The following SH2B2 variants were observed in gnomAD, a reference collection of about 807,000 sequenced individuals.
SH2B2 encodes SH2B adaptor protein 2, also known as SH2B adapter protein 2.
Under a neutral mutation model 35.7 loss-of-function variants are expected in SH2B2, and 37 were observed. The ratio of observed to expected loss-of-function variants is 1.04; its 90% CI spans 0.80 to 1.36. The LOEUF is 1.36. Ranked by LOEUF, SH2B2 falls within the 40% of genes most tolerant of loss-of-function variation. The probability of loss-of-function intolerance (pLI) is 0.00; values close to 1 mark genes in which losing one functional copy is unlikely to be tolerated. For missense variants in SH2B2, 852 were observed against 817.7 expected (o/e 1.04, Z -0.51); for synonymous variants, 383 against 376.4 (o/e 1.02, Z -0.20).
chr7:102,307,045 C>G (rs903713761), intron 3 of SH2B2, among the ~76,000 whole-genome samples: 1 of 152,254 alleles, frequency 6.6e-6, no homozygotes, highest in Admixed American at 6.5e-5. Context: ...CGTCGCCCAA[C>G]ATCTGGGCCC....
At chr7:102,315,744 G>GAAAAAAAAAAAAAAAAAA (rs61456197) in intron 6 of SH2B2, among the ~76,000 whole-genome samples, 1 of 90,568 alleles carries the variant, frequency 1.1e-5, no homozygotes, top group Non-Finnish European at 1.9e-5. Context: ...CCTGTGAAAA[G>GAAAAAAAAAAAAAAAAAA]AAAAAAAAAA....
chr7:102,298,801 C>T (rs1343790635), intron 1 of SH2B2, among the ~76,000 whole-genome samples: 1 of 151,948 alleles, frequency 6.6e-6, no homozygotes, highest in Non-Finnish European at 1.5e-5. Context: ...CTCCTGAGCT[C>T]AAGCAATCTG....
upstream of SH2B2, among the ~76,000 whole-genome samples, chr7:102,285,506 G>A (rs1447412042): frequency 2.6e-5 from 4 of 152,334 alleles, no homozygotes; most frequent in East Asian, 1.9e-4. Context: ...GAACAGAGCC[G>A]AGATGTGGGG....
At chr7:102,299,836 A>T (rs1793075637) in intron 1 of SH2B2, among the ~76,000 whole-genome samples, 1 of 152,172 alleles carries the variant, frequency 6.6e-6, no homozygotes, top group Non-Finnish European at 1.5e-5. Flanking sequence ...CCCAGGAATG[A>T]CCCTGAGGTC....
Position 102,321,549 on chromosome 7 carries a change from G to GGCCGCC in SH2B2, c.1819_1824dup (p.Ala607_Ala608dup). 2 of 1,147,236 alleles carry GGCCGCC rather than the reference G, an allele frequency of 1.7e-6. No homozygotes were observed. The highest frequency in any genetic ancestry group is 2.1e-6 in the Non-Finnish European group (2 of 935,052). 71.1% of individuals were successfully genotyped at this position (1,147,236 alleles called of 1,614,324 possible). On this transcript the variant is annotated inframe_insertion, in exon 9 of 9. Coordinates refer to ENST00000444095, the MANE Select transcript of SH2B2 (RefSeq NM_001359228.2). The stretch of plus-strand genomic sequence containing the variant: ...GCGCCGAGCGCCTGCTGGAGGCCGT[G>GGCCGCC]GCCGCCACCGCCGCCGAGGAGCCCC...
At chr7:102,321,255 C>A (rs782702867) in intron 8 of SH2B2, 44 bp from the exon 9 acceptor site, 7 of 1,318,374 alleles carry the variant, frequency 5.3e-6, no homozygotes, top group Non-Finnish European at 4.8e-6. Flanking sequence ...CAGGATGTGG[C>A]CAGCCCAGGT....
chr7:102,308,991 G>A, intron 4 of SH2B2, 85 bp downstream of exon 4: 1 of 1,053,396 alleles, frequency 9.5e-7, no homozygotes, highest in East Asian at 2.4e-5. Flanking sequence ...TTCCTAGCAG[G>A]GCGGGAGCTC....
At chr7:102,319,119 G>A (rs1793962777) in intron 7 of SH2B2, among the ~76,000 whole-genome samples, 1 of 152,160 alleles carries the variant, frequency 6.6e-6, no homozygotes, top group South Asian at 2.1e-4. Context: ...CATACCTCCT[G>A]GGAGGGAAGA....
At chr7:102,287,588 C>T (rs1792505701) in intron 1 of SH2B2, among the ~76,000 whole-genome samples, 1 of 152,218 alleles carries the variant, frequency 6.6e-6, no homozygotes, top group Admixed American at 6.5e-5. Flanking sequence ...GCCCAGGCCC[C>T]CCTTTCTCGA....
In SH2B2 at chr7:102,304,788, G is replaced by A. The variant is rs1364448635; in HGVS notation, c.730-1933G>A. 2.6e-5 allele frequency among the ~76,000 whole-genome samples: 4 copies of A among 152,358 alleles called. No homozygotes were observed. The East Asian group carries it at 5.8e-4, about 22-fold the overall frequency. On this transcript the variant is annotated intron_variant, in intron 2 of 8. Transcript: ENST00000444095. ...TGTCCCCAGCCCCGCTGGCCGGCAC[G>A]ATGGCCACACACCGGGGTTAGCCAG...
chr7:102,287,522 C>A (rs1330548437), intron 1 of SH2B2, among the ~76,000 whole-genome samples: 1 of 152,148 alleles, frequency 6.6e-6, no homozygotes, highest in Admixed American at 6.5e-5. Flanking sequence ...AGGGTGAGGG[C>A]CACGGGATGG....
At chr7:102,311,590 G>A (rs1236776286) in intron 4 of SH2B2, among the ~76,000 whole-genome samples, 6 of 147,510 alleles carry the variant, frequency 4.1e-5, no homozygotes, top group Non-Finnish European at 7.5e-5. Flanking sequence ...AGACGGGATC[G>A]GGATCGTGCT....
intron 1 of SH2B2, among the ~76,000 whole-genome samples, chr7:102,287,435 G>T (rs1463876458): frequency 6.6e-6 from 1 of 152,194 alleles, no homozygotes; most frequent in Non-Finnish European, 1.5e-5. Flanking sequence ...TAGAGGAGGG[G>T]TCTCTGGTTG....
rs1289577273 is a variant in SH2B2, at chr7:102,301,047, C to T, written c.497C>T (p.Pro166Leu). 2 of 1,370,042 alleles carry T rather than the reference C, an allele frequency of 1.5e-6. No individual in the cohort carries two copies. Among genetic ancestry groups the T allele is most frequent in the South Asian group, 1.6e-5 (1 of 61,556 alleles). 84.9% of individuals were successfully genotyped at this position (1,370,042 alleles called of 1,614,324 possible). ...ASPEPDAAAA[P>L]RTAEPRDKWT... ...CCCGAGCCCGACGCGGCAGCTGCCC[C>T]GCGCACCGCCGAGCCCCGCGACAAG... The change falls in exon 2 of 9, where the codon CCG becomes CTG. Residue 166 changes from proline (P) to leucine (L), a missense_variant. Transcript: ENST00000444095.
chr7:102,299,210 T>C, intron 1 of SH2B2, among the ~76,000 whole-genome samples: 1 of 107,476 alleles, frequency 9.3e-6, no homozygotes, highest in African/African-American at 3.9e-5. Context: ...TTTTTTTTTT[T>C]TTTTTTGAGG....
At chr7:102,307,805 C>T (rs1481006004) in intron 3 of SH2B2, among the ~76,000 whole-genome samples, 6 of 151,636 alleles carry the variant, frequency 4.0e-5, no homozygotes, top group East Asian at 1.9e-4. Flanking sequence ...GGGTCCCACT[C>T]TGTCACCCAG....
Position 102,320,327 on chromosome 7 carries a change from A to G in SH2B2, c.1396-4A>G. The G allele has an allele frequency of 6.2e-7, 1 of 1,609,088 alleles. No homozygotes were observed. Among genetic ancestry groups the G allele is most frequent in the Non-Finnish European group, 8.5e-7 (1 of 1,179,528 alleles). ...CCCCTGACCACACCCACCTGTACCC[A>G]CAGCACCTGCGCCTGTCCCTGAACG... is the stretch of plus-strand genomic sequence containing the variant. On this transcript the variant is annotated splice_region_variant and splice_polypyrimidine_tract_variant and intron_variant, in intron 7 of 8. Coordinates refer to ENST00000444095, the MANE Select transcript of SH2B2 (RefSeq NM_001359228.2).
In SH2B2 at chr7:102,314,511, G is replaced by A; in HGVS notation, c.1016-1G>A. On this transcript the variant is annotated splice_acceptor_variant, in intron 5 of 8. Transcript: ENST00000444095. LOFTEE classifies it high-confidence loss of function. The stretch of plus-strand genomic sequence containing the variant: ...GTGCATCTTACCTGCCACTTCCCCA[G>A]CAGTCGACCTGCCCCGCCCCCCAGA... 1 of 398,736 alleles carries A rather than the reference G, an allele frequency of 2.5e-6. No homozygotes were observed. Among genetic ancestry groups the A allele is most frequent in the Admixed American group, 4.4e-5 (1 of 22,716 alleles). 24.7% of individuals were successfully genotyped at this position (398,736 alleles called of 1,614,324 possible).
chr7:102,312,857 C>A (rs6956640), intron 4 of SH2B2, among the ~76,000 whole-genome samples: 1 of 151,812 alleles, frequency 6.6e-6, no homozygotes, highest in East Asian at 1.9e-4. Flanking sequence ...GGGCCGGGCG[C>A]GGTGGCTCAT....
Sources: allele counts gnomAD v4.1 joint callset (sites outside exome capture counted in the v4.1 genomes callset), GRCh38; gene constraint gnomAD v4.1.1; transcripts MANE v1.5; gene names NCBI Gene and HGNC (gene_info 2026-07-23, HGNC 2026-07-21).